The following SHLD2 variants were observed in gnomAD, a reference collection of about 807,000 sequenced individuals.
SHLD2 encodes the protein RINN1-REV7-interacting novel NHEJ regulator 2.
A neutral mutation model predicts 73.2 loss-of-function variants in SHLD2; 30 were observed. The observed-to-expected ratio is 0.41, with a 90% CI of 0.31 to 0.56. The LOEUF (loss-of-function observed/expected upper bound fraction) is 0.56. SHLD2 is among the 20% of genes least tolerant of loss of function. SHLD2 has a pLI of 0.28. For missense variants in SHLD2, 745 were observed against 1,055.9 expected (o/e 0.71, Z 4.08); for synonymous variants, 285 against 370.1 (o/e 0.77, Z 2.64).
At chr10:87,190,183 C>T (rs541480138) in intron 9 of SHLD2, among the ~76,000 whole-genome samples, 6 of 152,276 alleles carry the variant, frequency 3.9e-5, no homozygotes, top group Admixed American at 3.3e-4. Context: ...CTCAGCTTCC[C>T]GAGTAGCTGG....
At chr10:87,162,813 A>T (rs552289440) in intron 4 of SHLD2, among the ~76,000 whole-genome samples, 2 of 152,212 alleles carry the variant, frequency 1.3e-5, no homozygotes, top group South Asian at 2.1e-4. Context: ...TGGCAAAATT[A>T]AAAAAAAGCA....
chr10:87,107,213 G>C (rs1842657080), intron 2 of SHLD2, among the ~76,000 whole-genome samples: 1 of 152,072 alleles, frequency 6.6e-6, no homozygotes, highest in Non-Finnish European at 1.5e-5. Flanking sequence ...AGAAGTTCAG[G>C]ACTAGTCTGG....
At chr10:87,186,917 A>G (rs1848656026) in intron 8 of SHLD2, among the ~76,000 whole-genome samples, 168 bp from the exon 9 acceptor site, 1 of 152,110 alleles carries the variant, frequency 6.6e-6, no homozygotes, top group Non-Finnish European at 1.5e-5. Flanking sequence ...GGGGAAAAAA[A>G]AAAACCTTTT....
chr10:87,130,601 T>G (rs1189795523), intron 2 of SHLD2, among the ~76,000 whole-genome samples: 2 of 152,112 alleles, frequency 1.3e-5, no homozygotes, highest in African/African-American at 4.8e-5. Context: ...TATTTAGTGC[T>G]CCCTTCACAC....
At chr10:87,158,546 C>T (rs1001592594) in intron 4 of SHLD2, among the ~76,000 whole-genome samples, 2 of 152,086 alleles carry the variant, frequency 1.3e-5, no homozygotes, top group Non-Finnish European at 2.9e-5. Context: ...TGTGGAACTT[C>T]TGAGCCTCTG....
At chr10:87,118,722 C>A (rs12359384) in intron 2 of SHLD2, among the ~76,000 whole-genome samples, 4,146 of 147,560 alleles carry the variant, frequency 0.028, 61 homozygotes, top group African/African-American at 0.054. Flanking sequence ...TCACCTCAAC[C>A]AGTTTATTGT....
intron 3 of SHLD2, among the ~76,000 whole-genome samples, chr10:87,155,689 T>A (rs1219780473): frequency 6.6e-6 from 1 of 151,830 alleles, no homozygotes; most frequent in Non-Finnish European, 1.5e-5. Flanking sequence ...CAGGGGCCTT[T>A]TCCTTTTTCC....
chr10:87,149,681 G>A (rs1245935638), intron 2 of SHLD2, among the ~76,000 whole-genome samples: 2 of 151,986 alleles, frequency 1.3e-5, no homozygotes, highest in Non-Finnish European at 2.9e-5. Flanking sequence ...CTGAGATCAC[G>A]TCATTGCACT....
chr10:87,118,435 T>C (rs1387320811), intron 2 of SHLD2, among the ~76,000 whole-genome samples: 1 of 151,502 alleles, frequency 6.6e-6, no homozygotes, highest in Non-Finnish European at 1.5e-5. Flanking sequence ...TACTTAAATG[T>C]TATATTTATT....
intron 8 of SHLD2, among the ~76,000 whole-genome samples, chr10:87,184,784 C>T (rs529289096): frequency 6.6e-6 from 1 of 152,260 alleles, no homozygotes; most frequent in African/African-American, 2.4e-5. Context: ...CTGGTTTCTT[C>T]ATGTCTTAGA....
chr10:87,167,948 G>A (rs1208458169), intron 4 of SHLD2, among the ~76,000 whole-genome samples: 1 of 151,976 alleles, frequency 6.6e-6, no homozygotes, highest in Non-Finnish European at 1.5e-5. Flanking sequence ...CCCAGCCCCA[G>A]AACAACTATT....
chr10:87,106,750 C>G (rs1842619002), intron 2 of SHLD2, among the ~76,000 whole-genome samples: 1 of 152,132 alleles, frequency 6.6e-6, no homozygotes, highest in Non-Finnish European at 1.5e-5. Context: ...GCCATTAGCA[C>G]CTTGTTATCA....
intron 7 of SHLD2, among the ~76,000 whole-genome samples, chr10:87,176,663 C>T (rs1847970061): frequency 6.6e-6 from 1 of 152,168 alleles, no homozygotes; most frequent in Admixed American, 6.5e-5. Context: ...TTATCTTGGC[C>T]AAATGCCAGA....
intron 2 of SHLD2, among the ~76,000 whole-genome samples, chr10:87,138,280 C>A (rs1844939466): frequency 6.6e-6 from 1 of 150,404 alleles, no homozygotes; most frequent in Non-Finnish European, 1.5e-5. Context: ...AGCCTGTCGA[C>A]AGAGCGAGAC....
chr10:87,119,631 G>T (rs1466364517), intron 2 of SHLD2, among the ~76,000 whole-genome samples: 1 of 151,970 alleles, frequency 6.6e-6, no homozygotes, highest in Non-Finnish European at 1.5e-5. Context: ...ATGGTGGCGC[G>T]CACCTGTAGT....
intron 2 of SHLD2, among the ~76,000 whole-genome samples, chr10:87,127,937 A>T: frequency 6.6e-6 from 1 of 151,854 alleles, no homozygotes; most frequent in South Asian, 2.1e-4. Flanking sequence ...CCTCTAATTC[A>T]TTTTTATGTT....
At chr10:87,185,710 AGG>A (rs1284756937) in intron 8 of SHLD2, among the ~76,000 whole-genome samples, 1 of 151,968 alleles carries the variant, frequency 6.6e-6, no homozygotes, top group Admixed American at 6.6e-5. Context: ...TCCTACATTT[AGG>A]TTTATTATCT....
intron 2 of SHLD2, among the ~76,000 whole-genome samples, chr10:87,141,887 T>C (rs1400171497): frequency 1.3e-5 from 2 of 151,906 alleles, no homozygotes; most frequent in African/African-American, 4.8e-5. Context: ...AAAAATTAGC[T>C]GGGTGTGGTG....
In SHLD2 at chr10:87,097,572, A is replaced by G. The variant is rs572257573; in HGVS notation, c.-6+583A>G. ...GTGCCATTGCACTCCAGCCTGGGCA[A>G]CAGAGCGAGTCTTCATCTCAAAAAA... On this transcript the variant is annotated intron_variant, in intron 2 of 9. Transcript: ENST00000298786. Among the ~76,000 whole-genome samples, 4 of 152,290 alleles carry G rather than the reference A, an allele frequency of 2.6e-5. No individual in the cohort carries two copies. The East Asian group carries it at 7.7e-4, about 29-fold the overall frequency.
Sources: allele counts gnomAD v4.1 joint callset (sites outside exome capture counted in the v4.1 genomes callset), GRCh38; gene constraint gnomAD v4.1.1; transcripts MANE v1.5; gene names NCBI Gene and HGNC (gene_info 2026-07-23, HGNC 2026-07-21).